The following NOPCHAP1 variants were observed in gnomAD, a reference collection of about 807,000 sequenced individuals.
NOPCHAP1 encodes the protein NOP protein chaperone 1.
Under a neutral mutation model 14.0 loss-of-function variants are expected in NOPCHAP1, and 13 were observed. The ratio of observed to expected loss-of-function variants is 0.93; its 90% confidence interval spans 0.60 to 1.47. The LOEUF is 1.47. NOPCHAP1 is among the 40% of genes most tolerant of loss of function. The probability of loss-of-function intolerance (pLI) is 0.00; values close to 1 mark genes in which losing one functional copy is unlikely to be tolerated. For synonymous variants in NOPCHAP1, 78 were observed against 78.4 expected (o/e 1.00, Z 0.03); for missense variants, 230 against 226.9 (o/e 1.01, Z -0.09).
rs1487773424 is a variant in NOPCHAP1, at chr12:105,008,474, G to A, written c.*13778G>A. 1.3e-5 allele frequency: 2 copies of A among 152,246 alleles called. No homozygotes were observed. Among genetic ancestry groups the A allele is most frequent in the East Asian group, 3.9e-4 (2 of 5,190 alleles). The allele number at this position is 152,246 out of a possible 1,614,324, so 9.4% of individuals were successfully genotyped here. ...TGATAGTTTATTTTGCTGTGCAGAA[G>A]CTCTTTAGTTTAATTAGATCCCATT... On this transcript the variant is annotated 3_prime_UTR_variant, in exon 4 of 4. Transcript: ENST00000552951.
At position 105,004,875 on chromosome 12, in the gene NOPCHAP1, C is replaced by T. The variant is rs1256894206; in HGVS notation, c.*10179C>T. On this transcript the variant is annotated 3_prime_UTR_variant, in exon 4 of 4. Coordinates refer to ENST00000552951, the MANE Select transcript of NOPCHAP1 (RefSeq NM_152318.3). ...GCCTTAGTGAAACATAAATAGTTAA[C>T]ACATATTGTATATGTTATATGTATT... is the stretch of plus-strand genomic sequence containing the variant. The T allele has an allele frequency of 6.6e-6, 1 of 152,100 alleles. No individual in the cohort carries two copies. 9.4% of individuals were successfully genotyped at this position (152,100 alleles called of 1,614,324 possible).
chr12:105,002,306 G>C lies in NOPCHAP1; in HGVS notation c.*7610G>C, dbSNP rs937298418. ...TATTCTCTCAAAATGTTGGGCTAGG[G>C]CCACCAATTCAATCATATCTATAAC... On this transcript the variant is annotated 3_prime_UTR_variant, in exon 4 of 4. Transcript: ENST00000552951. 4.6e-5 allele frequency: 7 copies of C among 152,124 alleles called. No individual in the cohort carries two copies. The highest frequency in any genetic ancestry group is 1.5e-5 in the Non-Finnish European group (1 of 68,012). 9.4% of individuals were successfully genotyped at this position (152,124 alleles called of 1,614,324 possible).
At position 104,996,633 on chromosome 12, in the gene NOPCHAP1, T is replaced by A. The variant is rs536705392; in HGVS notation, c.*1937T>A. On this transcript the variant is annotated 3_prime_UTR_variant, in exon 4 of 4. Coordinates refer to ENST00000552951, the MANE Select transcript of NOPCHAP1 (RefSeq NM_152318.3). ...AACATGTGGTATTTTTCTGTTCCTG[T>A]GTTGGTTGCTTAGGTCCTGATCATC... 4 of 152,290 alleles carry A rather than the reference T, an allele frequency of 2.6e-5. No individual in the cohort carries two copies. Among genetic ancestry groups the A allele is most frequent in the African/African-American group, 9.6e-5 (4 of 41,548 alleles). The allele number at this position is 152,290 out of a possible 1,614,324, so 9.4% of individuals were successfully genotyped here.
At chr12:104,988,015 G>A in intron 1 of NOPCHAP1, 152 bp from the exon 2 acceptor site, 1 of 526,358 alleles carries the variant, frequency 1.9e-6, no homozygotes, top group South Asian at 3.1e-5. Context: ...TTAAAATGTT[G>A]TAATGGAGCT....
rs531950431 is a variant in NOPCHAP1, at chr12:104,995,686, C to CT, written c.*1001dup. On this transcript the variant is annotated 3_prime_UTR_variant, in exon 4 of 4. Transcript: ENST00000552951. ...CTTTCCTCAGTGGAAACTAGCATAT[C>CT]TTTTTTTTTTTCGAGATGGAGTCTT... The CT allele has an allele frequency of 3.2e-3, 465 of 147,514 alleles. 4 individuals carry two copies. The highest frequency in any genetic ancestry group is 8.9e-3 in the African/African-American group (360 of 40,296). The allele number at this position is 147,514 out of a possible 1,614,324, so 9.1% of individuals were successfully genotyped here. A position where few individuals can be genotyped will look rare whatever the true frequency, so the allele number is the denominator to read the frequency against.
rs1398674550 is a variant in NOPCHAP1 at position 105,011,894 on chromosome 12, T to A, written c.*17198T>A. ...TGATGGGCTTCCCTTTTTGGGTAAT[T>A]CAACCTTTCTCTCTGGCTGCCCTTA... On this transcript the variant is annotated 3_prime_UTR_variant, in exon 4 of 4. Coordinates refer to ENST00000552951, the MANE Select transcript of NOPCHAP1 (RefSeq NM_152318.3). 1 of 152,156 alleles carries A rather than the reference T, an allele frequency of 6.6e-6. No homozygotes were observed. Among genetic ancestry groups the A allele is most frequent in the East Asian group, 1.9e-4 (1 of 5,194 alleles). 9.4% of individuals were successfully genotyped at this position (152,156 alleles called of 1,614,324 possible). A position where few individuals can be genotyped will look rare whatever the true frequency, so the allele number is the denominator to read the frequency against.
At chr12:104,991,977 G>A (rs1873387401) in intron 3 of NOPCHAP1, 129 bp downstream of exon 3, 1 of 1,089,424 alleles carries the variant, frequency 9.2e-7, no homozygotes, top group Non-Finnish European at 1.3e-6. Context: ...ATGTTGTATA[G>A]GTACATAGTC....
chr12:104,991,675 A>G (rs768106921), intron 2 of NOPCHAP1, 37 bp from the exon 3 acceptor site: 39 of 1,551,114 alleles, frequency 2.5e-5, no homozygotes, highest in Non-Finnish European at 3.2e-5. Flanking sequence ...AGAATTTACT[A>G]GCATAAATGT....
rs1490595824 is a variant in NOPCHAP1, at chr12:104,994,494, A to C, written c.356A>C (p.Glu119Ala). 5.6e-6 allele frequency: 9 copies of C among 1,613,860 alleles called. No individual in the cohort carries two copies. Among genetic ancestry groups the C allele is most frequent in the Non-Finnish European group, 7.6e-6 (9 of 1,179,898 alleles). Residue 119 changes from glutamate (E) to alanine (A), a missense_variant, in exon 4 of 4, where the codon GAG becomes GCG. Transcript: ENST00000552951. Reference sequence around the variant, plus strand: ...TTTTTGCAGGATGTGGCTTTGTTTGAGATGAATCAGTCGGATTCAAAAGAA... The same window carrying C: ...TTTTTGCAGGATGTGGCTTTGTTTGCGATGAATCAGTCGGATTCAAAAGAA... Reference protein sequence around the residue: ...KVIQMDVALFEMNQSDSKEVD... With the variant: ...KVIQMDVALFAMNQSDSKEVD...
At chr12:104,991,469 C>G (rs569858435) in intron 2 of NOPCHAP1, among the ~76,000 whole-genome samples, 1 of 152,268 alleles carries the variant, frequency 6.6e-6, no homozygotes, top group East Asian at 1.9e-4. Flanking sequence ...GAATGCCAGC[C>G]TTCTAGGAGT....
At chr12:104,990,018 G>C (rs368016549) in intron 2 of NOPCHAP1, among the ~76,000 whole-genome samples, 20 of 151,984 alleles carry the variant, frequency 1.3e-4, no homozygotes, top group African/African-American at 4.1e-4. Flanking sequence ...ATATTTCTAA[G>C]AGCTGTTTTA....
In NOPCHAP1 at chr12:105,017,571, C is replaced by T. The variant is rs568592526; in HGVS notation, c.*22875C>T. ...TTTTCATTTGTATTTCTCTCACTGC[C>T]TAGCATAGTGCCTTTCACTCAGTTG... On this transcript the variant is annotated 3_prime_UTR_variant, in exon 4 of 4. Transcript: ENST00000552951. The T allele has an allele frequency of 3.3e-5, 5 of 151,802 alleles. No homozygotes were observed. The highest frequency in any genetic ancestry group is 7.4e-5 in the Non-Finnish European group (5 of 67,972). The allele number at this position is 151,802 out of a possible 1,614,324, so 9.4% of individuals were successfully genotyped here.
Position 105,002,685 on chromosome 12 carries a change from TA to T in NOPCHAP1, c.*7990del, listed in dbSNP as rs1249621799. On this transcript the variant is annotated 3_prime_UTR_variant, in exon 4 of 4. Transcript: ENST00000552951. Reference sequence around the variant, plus strand: ...TTAAGTTTTTCCCATTCTCTTGTCATACATTTTCAAGCTTTGCCATGTCCCA... The same window carrying T: ...TTAAGTTTTTCCCATTCTCTTGTCATCATTTTCAAGCTTTGCCATGTCCCA... The T allele has an allele frequency of 6.6e-6, 1 of 152,230 alleles. No individual in the cohort carries two copies. The highest frequency in any genetic ancestry group is 1.9e-4 in the East Asian group (1 of 5,204). The allele number at this position is 152,230 out of a possible 1,614,324, so 9.4% of individuals were successfully genotyped here.
chr12:105,009,276 T>C lies in NOPCHAP1; in HGVS notation c.*14580T>C, dbSNP rs1268233005. 1 of 152,054 alleles carries C rather than the reference T, an allele frequency of 6.6e-6. No individual in the cohort carries two copies. Among genetic ancestry groups the C allele is most frequent in the Non-Finnish European group, 1.5e-5 (1 of 67,952 alleles). 9.4% of individuals were successfully genotyped at this position (152,054 alleles called of 1,614,324 possible). ...TCACTCATGATTTGGCTCTCTGTTA[T>C]TGGTATATAGGAATGCTTGTGATTT... On this transcript the variant is annotated 3_prime_UTR_variant, in exon 4 of 4. Transcript: ENST00000552951.
rs375597825 is a variant in NOPCHAP1, at chr12:104,999,945, G to T, written c.*5249G>T. 69 of 152,320 alleles carry T rather than the reference G, an allele frequency of 4.5e-4. No individual in the cohort carries two copies. Among genetic ancestry groups the T allele is most frequent in the African/African-American group, 1.6e-3 (68 of 41,544 alleles). The allele number at this position is 152,320 out of a possible 1,614,324, so 9.4% of individuals were successfully genotyped here. A position where few individuals can be genotyped will look rare whatever the true frequency, so the allele number is the denominator to read the frequency against. On this transcript the variant is annotated 3_prime_UTR_variant, in exon 4 of 4. Transcript: ENST00000552951. ...CCCTCCCTCTGAAGATCTGCTGGGAGTGCACCAGTCTTCCTGATATCCCAG... is the reference window on the plus strand; with the variant it reads ...CCCTCCCTCTGAAGATCTGCTGGGATTGCACCAGTCTTCCTGATATCCCAG...
Position 105,006,327 on chromosome 12 carries a change from G to A in NOPCHAP1, c.*11631G>A, listed in dbSNP as rs1308650952. 1 of 152,066 alleles carries A rather than the reference G, an allele frequency of 6.6e-6. No homozygotes were observed. Among genetic ancestry groups the A allele is most frequent in the Non-Finnish European group, 1.5e-5 (1 of 68,016 alleles). The allele number at this position is 152,066 out of a possible 1,614,324, so 9.4% of individuals were successfully genotyped here. ...TAGCTTTGAAAATTTTTTCCATAGA[G>A]TATCATGTATAATGAGCCTTAAAGG... On this transcript the variant is annotated 3_prime_UTR_variant, in exon 4 of 4. Coordinates refer to ENST00000552951, the MANE Select transcript of NOPCHAP1 (RefSeq NM_152318.3).
At chr12:104,990,922 C>G (rs1873361371) in intron 2 of NOPCHAP1, among the ~76,000 whole-genome samples, 1 of 152,178 alleles carries the variant, frequency 6.6e-6, no homozygotes, top group Non-Finnish European at 1.5e-5. Flanking sequence ...GATCCAGGTG[C>G]TCAGTGTCCT....
In NOPCHAP1 at chr12:104,999,775, G is replaced by C. The variant is rs1238571124; in HGVS notation, c.*5079G>C. ...TTCCAGAGGCCTGTGGTGGGAGTCA[G>C]TTGCTGCTTGCCTGCTCAACTCACC... On this transcript the variant is annotated 3_prime_UTR_variant, in exon 4 of 4. Coordinates refer to ENST00000552951, the MANE Select transcript of NOPCHAP1 (RefSeq NM_152318.3). 1 of 152,666 alleles carries C rather than the reference G, an allele frequency of 6.6e-6. No homozygotes were observed. Among genetic ancestry groups the C allele is most frequent in the Non-Finnish European group, 1.5e-5 (1 of 68,410 alleles). 9.5% of individuals were successfully genotyped at this position (152,666 alleles called of 1,614,324 possible).
Position 105,014,990 on chromosome 12 carries a change from A to C in NOPCHAP1, c.*20294A>C, listed in dbSNP as rs1335228994. On this transcript the variant is annotated 3_prime_UTR_variant, in exon 4 of 4. Transcript: ENST00000552951. Reference sequence around the variant, plus strand: ...CAGAGCTGATGGAACTTTGTCTGCTAATGTTTTCGGGTTTTCTTTGAATTC... The same window carrying C: ...CAGAGCTGATGGAACTTTGTCTGCTCATGTTTTCGGGTTTTCTTTGAATTC... The C allele has an allele frequency of 6.6e-6, 1 of 152,114 alleles. No individual in the cohort carries two copies. The highest frequency in any genetic ancestry group is 1.9e-4 in the East Asian group (1 of 5,200). The allele number at this position is 152,114 out of a possible 1,614,324, so 9.4% of individuals were successfully genotyped here. A position where few individuals can be genotyped will look rare whatever the true frequency, so the allele number is the denominator to read the frequency against.
Sources: allele counts gnomAD v4.1 joint callset (sites outside exome capture counted in the v4.1 genomes callset), GRCh38; gene constraint gnomAD v4.1.1; transcripts MANE v1.5; gene names NCBI Gene and HGNC (gene_info 2026-07-23, HGNC 2026-07-21).